The following MCOLN1 variants were observed in gnomAD, a reference collection of about 807,000 sequenced individuals.
MCOLN1 encodes the protein mucolipin-1.
A neutral mutation model predicts 70.3 loss-of-function variants in MCOLN1; 50 were observed. That is an observed-to-expected ratio of 0.71 (90% CI 0.57 to 0.90). MCOLN1 has a LOEUF of 0.90. Among genes scored for constraint, MCOLN1 ranks in the 40% least tolerant of loss-of-function variants. The pLI is 0.00. For synonymous variants in MCOLN1, 366 were observed against 341.0 expected (o/e 1.07, Z -0.81); for missense variants, 598 against 803.5 (o/e 0.74, Z 3.09).
In MCOLN1 at chr19:7,526,810, G is replaced by C; in HGVS notation, c.455G>C (p.Gly152Ala). 6.2e-7 allele frequency: 1 copy of C among 1,614,210 alleles called. No homozygotes were observed. Reference protein sequence around the residue: ...VSLGRYAYVRGGGDPWTNGSG... With the variant: ...VSLGRYAYVRAGGDPWTNGSG... ...CTGGGCCGGTATGCGTATGTCCGTG[G>C]TGGGGGTGACCCTTGGACCAATGGC... Residue 152 changes from glycine to alanine, a missense_variant, in exon 4 of 14, where the codon GGT becomes GCT. By Grantham distance (60) the Gly-to-Ala change is moderately conservative. This residue lies in a region of MCOLN1 where 461 missense variants were observed against 588.4 expected (regional missense o/e 0.78). Transcript: ENST00000264079. This position sits in a 1 kb window ranked among gnomAD's most constrained non-coding sequence, Gnocchi z 4.6.
At chr19:7,523,522 G>T (rs1195609932) in intron 1 of MCOLN1, among the ~76,000 whole-genome samples, 3 of 152,236 alleles carry the variant, frequency 2.0e-5, no homozygotes, top group Admixed American at 2.0e-4. Flanking sequence ...GAGGGGCCGG[G>T]AACTTGTCCC....
chr19:7,530,402 C>G lies in MCOLN1; in HGVS notation c.1476C>G (p.Leu492=). 6.2e-7 allele frequency: 1 copy of G among 1,613,856 alleles called. No homozygotes were observed. The change falls in exon 12 of 14, where the codon CTC becomes CTG. Residue 492 remains leucine, a synonymous_variant. Coordinates refer to ENST00000264079, the MANE Select transcript of MCOLN1 (RefSeq NM_020533.3). ...AGGGCCGCAGCAGCCTGGTGTGGCT[C>G]TTCTCCCAGCTCTACCTTTACTCCT... is the stretch of plus-strand genomic sequence containing the variant. ...AQQGRSSLVW[L]FSQLYLYSFI... is the part of the protein sequence containing the mutation.
chr19:7,530,373 C>A lies in MCOLN1; in HGVS notation c.1447C>A (p.Gln483Lys), dbSNP rs1057516531. The change falls in exon 12 of 14, where the codon CAG becomes AAG. Residue 483 changes from glutamine to lysine, a missense_variant. This residue lies in a region of MCOLN1 where 78 missense variants were observed against 156.2 expected (regional missense o/e 0.50). Transcript: ENST00000264079. ...TGTGACGTTCGCCGCCATGCAGGCG[C>A]AGCAGGGCCGCAGCAGCCTGGTGTG... ...MFVTFAAMQA[Q>K]QGRSSLVWLF... is the part of the protein sequence containing the mutation. 1 of 1,613,978 alleles carries A rather than the reference C, an allele frequency of 6.2e-7. No homozygotes were observed. Among genetic ancestry groups the A allele is most frequent in the Admixed American group, 1.7e-5 (1 of 60,030 alleles).
chr19:7,525,332 A>C lies in MCOLN1; in HGVS notation c.237+166A>C. 5 of 668,910 alleles carry C rather than the reference A, an allele frequency of 7.5e-6. No individual in the cohort carries two copies. The East Asian group carries it at 1.1e-4, about 15-fold the overall frequency. The allele number at this position is 668,910 out of a possible 1,614,324, so 41.4% of individuals were successfully genotyped here. On this transcript the variant is annotated intron_variant, in intron 2 of 13. Transcript: ENST00000264079. This position sits in a 1 kb window ranked among gnomAD's most constrained non-coding sequence, Gnocchi z 4.2. ...CATGGTGAAACCCCATCTCTACTAA[A>C]AATACAAAAAAATTAGCCGTGCGTG...
intron 9 of MCOLN1, 51 bp from the exon 10 acceptor site, chr19:7,529,050 C>G: frequency 6.2e-7 from 1 of 1,613,492 alleles, no homozygotes; most frequent in Non-Finnish European, 8.5e-7. Flanking sequence ...TCCCCCAGGC[C>G]CCCCAAAGGA....
Position 7,528,788 on chromosome 19 carries a change from TG to T in MCOLN1, c.985-31del, listed in dbSNP as rs748346049. The T allele has an allele frequency of 1.9e-6, 3 of 1,614,128 alleles. No homozygotes were observed. The South Asian group carries it at 3.3e-5, about 18-fold the overall frequency. On this transcript the variant is annotated intron_variant, in intron 8 of 13. Transcript: ENST00000264079. This position sits in a 1 kb window ranked among gnomAD's most constrained non-coding sequence, Gnocchi z 4.2. ...GCCAGGGCTTTGAGGGTCCTGTGCC[TG>T]GTCAGGCCCTCACCCCGCCTGCCTT...
chr19:7,529,090 C>T lies in MCOLN1; in HGVS notation c.1135-11C>T, dbSNP rs1232115977. 5.0e-6 allele frequency: 8 copies of T among 1,613,744 alleles called. No homozygotes were observed. The African/African-American group carries it at 1.1e-4, about 22-fold the overall frequency. On this transcript the variant is annotated splice_polypyrimidine_tract_variant and intron_variant, in intron 9 of 13. Coordinates refer to ENST00000264079, the MANE Select transcript of MCOLN1 (RefSeq NM_020533.3). The stretch of plus-strand genomic sequence containing the variant: ...CTGGGCCAGATAGGTTGACGCAGCT[C>T]CCACCCGCAGAACTTGGCGAGCTAC...
chr19:7,527,705 C>T (rs765597088), intron 5 of MCOLN1, 77 bp downstream of exon 5: 6 of 1,162,644 alleles, frequency 5.2e-6, no homozygotes, highest in Non-Finnish European at 7.8e-6. Context: ...GCAACTACTT[C>T]CCTAAGGTGG....
Position 7,533,958 on chromosome 19 carries a change from G to A in MCOLN1, c.*163G>A. 1 of 757,938 alleles carries A rather than the reference G, an allele frequency of 1.3e-6. No homozygotes were observed. The highest frequency in any genetic ancestry group is 1.5e-5 in the South Asian group (1 of 67,164). 47.0% of individuals were successfully genotyped at this position (757,938 alleles called of 1,614,324 possible). A position where few individuals can be genotyped will look rare whatever the true frequency, so the allele number is the denominator to read the frequency against. On this transcript the variant is annotated 3_prime_UTR_variant, in exon 14 of 14. Coordinates refer to ENST00000264079, the MANE Select transcript of MCOLN1 (RefSeq NM_020533.3). ...GGACCCTTGGGGGCGGGGAGACTGG[G>A]TGGGGAGGGTGTTGAATAAAAGGGA...
Position 7,526,629 on chromosome 19 carries a change from TGGTGGGCAGGCAGGTGCA to T in MCOLN1, c.405+31_405+48del, listed in dbSNP as rs1179663583. On this transcript the variant is annotated intron_variant, in intron 3 of 13. Transcript: ENST00000264079. The surrounding 1 kb of genome is among the most constrained non-coding windows in gnomAD (Gnocchi z 4.6). ...CAGGTGCTGGTGGGCGGGCAGGTGCTGGTGGGCAGGCAGGTGCAGGTGGGCGGGCAGGTGCAGTTGGGC... is the reference window on the plus strand; with the variant it reads ...CAGGTGCTGGTGGGCGGGCAGGTGCTGGTGGGCGGGCAGGTGCAGTTGGGC... 6.4e-7 allele frequency: 1 copy of T among 1,569,360 alleles called. No homozygotes were observed. Among genetic ancestry groups the T allele is most frequent in the Non-Finnish European group, 8.6e-7 (1 of 1,160,166 alleles).
At chr19:7,522,896 C>A in intron 1 of MCOLN1, 115 bp downstream of exon 1, 1 of 995,448 alleles carries the variant, frequency 1.0e-6, no homozygotes, top group Non-Finnish European at 1.3e-6. Context: ...GCTGACTTTT[C>A]ACGGTGGAGA....
intron 10 of MCOLN1, 81 bp from the exon 11 acceptor site, chr19:7,529,509 C>CCCCCCCCCCCCCCCCCGGGGG: frequency 2.4e-6 from 2 of 816,980 alleles, no homozygotes; most frequent in Non-Finnish European, 4.1e-6. Flanking sequence ...AGGCCCCGCC[C>CCCCCCCCCCCCCCCCCGGGGG]CTCCCACCCC....
chr19:7,529,046 A>G lies in MCOLN1; in HGVS notation c.1135-55A>G. ...CCTATCCGGGGCCATATCCTCCCCC[A>G]GGCCCCCCAAAGGAAGGGCTGGGCC... is the stretch of plus-strand genomic sequence containing the variant. On this transcript the variant is annotated intron_variant, in intron 9 of 13. Transcript: ENST00000264079. The G allele has an allele frequency of 5.6e-6, 9 of 1,613,068 alleles. No individual in the cohort carries two copies. In the South Asian group the frequency reaches 8.8e-5, roughly 16 times the overall value.
chr19:7,527,919 A>G lies in MCOLN1; in HGVS notation c.736A>G (p.Ile246Val). Residue 246 changes from isoleucine (I) to valine (V), a missense_variant, in exon 6 of 14, where the codon ATC becomes GTC. By Grantham distance (29) the Ile-to-Val change is conservative. Transcript: ENST00000264079. ...GAAGACCATTAACCTCCAGAGCCTC[A>G]TCAATAATGAGATCCCGGACTGCTA... is the stretch of plus-strand genomic sequence containing the variant. ...RLKTINLQSL[I>V]NNEIPDCYTF... The G allele has an allele frequency of 6.2e-7, 1 of 1,614,042 alleles. No homozygotes were observed. Among genetic ancestry groups the G allele is most frequent in the African/African-American group, 1.3e-5 (1 of 75,046 alleles).
intron 12 of MCOLN1, among the ~76,000 whole-genome samples, chr19:7,532,866 A>T (rs1170171283): frequency 6.6e-6 from 1 of 152,218 alleles, no homozygotes; most frequent in Admixed American, 6.5e-5. Context: ...GAATACTTCC[A>T]TCGCCTCTAG....
chr19:7,526,874 C>A lies in MCOLN1; in HGVS notation c.519C>A (p.Gly173=). The A allele has an allele frequency of 6.2e-7, 1 of 1,614,156 alleles. No individual in the cohort carries two copies. The highest frequency in any genetic ancestry group is 1.1e-5 in the South Asian group (1 of 91,072). The part of the protein sequence containing the change: ...LALCQRYYHR[G]HVDPANDTFD... ...TCTGCCAGCGGTACTACCACCGAGG[C>A]CACGTGGACCCGGCCAACGACACAT... is the stretch of plus-strand genomic sequence containing the variant. The change falls in exon 4 of 14, where the codon GGC becomes GGA. Residue 173 remains glycine, a synonymous_variant. Transcript: ENST00000264079. The surrounding 1 kb of genome is among the most constrained non-coding windows in gnomAD (Gnocchi z 4.6).
Position 7,525,056 on chromosome 19 carries a change from C to T in MCOLN1, c.127C>T (p.Arg43Cys), listed in dbSNP as rs773225761. The T allele has an allele frequency of 1.3e-5, 21 of 1,614,020 alleles. No individual in the cohort carries two copies. The highest frequency in any genetic ancestry group is 1.7e-5 in the Admixed American group (1 of 59,998). ...ACCCCCAGAAGAGGAAGACCTTCGC[C>T]GTCGTCTCAAATACTTTTTCATGAG... is the stretch of plus-strand genomic sequence containing the variant. Reference protein sequence around the residue: ...PTPPEEEDLRRRLKYFFMSPC... With the variant: ...PTPPEEEDLRCRLKYFFMSPC... The change falls in exon 2 of 14, where the codon CGT becomes TGT. Residue 43 changes from arginine (R) to cysteine (C), a missense_variant. Transcript: ENST00000264079. This position sits in a 1 kb window ranked among gnomAD's most constrained non-coding sequence, Gnocchi z 4.2.
intron 10 of MCOLN1, 89 bp from the exon 11 acceptor site, chr19:7,529,501 G>GCCGC: frequency 2.7e-6 from 2 of 747,250 alleles, no homozygotes; most frequent in Non-Finnish European, 4.6e-6. Context: ...CCTCGGCAAG[G>GCCGC]CCCCGCCCCT....
intron 10 of MCOLN1, 31 bp downstream of exon 10, chr19:7,529,233 A>G (rs2146025094): frequency 1.9e-6 from 3 of 1,565,074 alleles, no homozygotes; most frequent in South Asian, 1.1e-5. Flanking sequence ...TGGGCCTTCC[A>G]CATGGTTACT....
Sources: allele counts gnomAD v4.1 joint callset (sites outside exome capture counted in the v4.1 genomes callset), GRCh38; gene constraint gnomAD v4.1.1; regional missense constraint gnomAD v4.1.1; non-coding constraint Gnocchi (gnomAD v3.1); transcripts MANE v1.5; gene names NCBI Gene and HGNC (gene_info 2026-07-23, HGNC 2026-07-21).